Variants in MYO16 observed in about 807,000 individuals in gnomAD.
MYO16 encodes the protein myosin XVI, also known as unconventional myosin-XVI.
A neutral mutation model predicts 205.3 loss-of-function variants in MYO16; 94 were observed. The ratio of observed to expected loss-of-function variants is 0.46; its 90% CI spans 0.39 to 0.54. MYO16 has a LOEUF of 0.54. Among genes scored for constraint, MYO16 ranks in the 20% least tolerant of loss-of-function variants. The pLI is 0.00. For synonymous variants in MYO16, 988 were observed against 954.0 expected, an observed-to-expected ratio of 1.04 and a Z score of -0.66; for missense variants, 2,315 against 2,387.5, an observed-to-expected ratio of 0.97 and a Z score of 0.63.
chr13:108,826,316 T>C (rs773275354), intron 9 of MYO16, among the ~76,000 whole-genome samples: 26 of 152,258 alleles, frequency 1.7e-4, no homozygotes, highest in Admixed American at 9.2e-4. Flanking sequence ...GATGATTCTA[T>C]GGGAAAGAAT....
intron 1 of MYO16, among the ~76,000 whole-genome samples, chr13:108,609,113 C>G (rs993305787): frequency 1.3e-5 from 2 of 152,158 alleles, no homozygotes; most frequent in African/African-American, 2.4e-5. Context: ...TCTCACTGGC[C>G]GACAACTCAA....
chr13:108,632,488 A>G (rs1347596456), intron 1 of MYO16, among the ~76,000 whole-genome samples: 1 of 152,200 alleles, frequency 6.6e-6, no homozygotes, highest in Non-Finnish European at 1.5e-5. Context: ...GCTCGCAAGG[A>G]ACTGTTAGTC....
chr13:108,940,560 A>T (rs565461443), intron 16 of MYO16, among the ~76,000 whole-genome samples: 3 of 152,316 alleles, frequency 2.0e-5, no homozygotes, highest in East Asian at 3.9e-4. Flanking sequence ...GCACAATCCC[A>T]TGTCTAAGGG....
At chr13:108,527,529 G>A in the MYO16 span, among the ~76,000 whole-genome samples, 2 of 152,208 alleles carry the variant, frequency 1.3e-5, no homozygotes, top group Admixed American at 6.5e-5. Flanking sequence ...CTGAGTCAAA[G>A]AATATGAGGC....
At chr13:108,507,189 G>A in the MYO16 span, among the ~76,000 whole-genome samples, 4 of 152,084 alleles carry the variant, frequency 2.6e-5, no homozygotes, top group Non-Finnish European at 4.4e-5. Context: ...AAACCAAGGA[G>A]CATCTGTGTA....
At chr13:108,923,660 G>T (rs1881849488) in intron 16 of MYO16, among the ~76,000 whole-genome samples, 1 of 152,210 alleles carries the variant, frequency 6.6e-6, no homozygotes, top group African/African-American at 2.4e-5. Context: ...TTTGGGTCCG[G>T]AGCCCTCAGC....
intron 29 of MYO16, among the ~76,000 whole-genome samples, chr13:109,122,579 A>G (rs1469691220): frequency 6.6e-6 from 1 of 151,962 alleles, no homozygotes; most frequent in East Asian, 1.9e-4. Flanking sequence ...TCGGGAGGCT[A>G]AGGCAGGAGA....
chr13:109,028,082 C>T (rs555950901), intron 23 of MYO16, among the ~76,000 whole-genome samples: 3 of 151,990 alleles, frequency 2.0e-5, no homozygotes, highest in South Asian at 2.1e-4. Flanking sequence ...TATATACATG[C>T]GGTTACTGGT....
intron 27 of MYO16, among the ~76,000 whole-genome samples, chr13:109,060,600 A>G (rs1017441983): frequency 6.6e-5 from 10 of 152,176 alleles, no homozygotes; most frequent in Non-Finnish European, 1.2e-4. Flanking sequence ...ATGTATACCT[A>G]TGTAACAAAC....
intron 4 of MYO16, among the ~76,000 whole-genome samples, chr13:108,776,701 A>G (rs1437998858): frequency 2.6e-5 from 4 of 152,176 alleles, no homozygotes; most frequent in Non-Finnish European, 5.9e-5. Context: ...ACTATAGCCT[A>G]TTATCTAAAG....
intron 16 of MYO16, among the ~76,000 whole-genome samples, chr13:108,936,094 TTC>T (rs1882467228): frequency 9.5e-5 from 2 of 21,144 alleles, no homozygotes; most frequent in Non-Finnish European, 3.7e-4. Context: ...GTTTCCTTCC[TTC>T]CTTCCTTCCT....
At position 109,100,852 on chromosome 13, in the gene MYO16, C is replaced by T; in HGVS notation, c.3403C>T (p.Leu1135Phe). ...ACAGTCAGCTGCCGAGCGATGTCGA[C>T]TTGTTCTCCAGCAGTGTAAATTACA... The part of the protein sequence containing the change: ...KEQSAAERCR[L>F]VLQQCKLQGW... The change falls in exon 28 of 35, where the codon CTT becomes TTT. Residue 1135 changes from leucine to phenylalanine, a missense_variant. Leu to Phe is a conservative substitution (Grantham distance 22, BLOSUM62 0). Coordinates refer to ENST00000457511, the MANE Select transcript of MYO16 (RefSeq NM_001198950.3). 1 of 1,613,686 alleles carries T rather than the reference C, an allele frequency of 6.2e-7. No individual in the cohort carries two copies. The highest frequency in any genetic ancestry group is 8.5e-7 in the Non-Finnish European group (1 of 1,179,648).
intron 32 of MYO16, among the ~76,000 whole-genome samples, chr13:109,159,425 G>T (rs554468586): frequency 4.0e-5 from 6 of 148,164 alleles, no homozygotes; most frequent in African/African-American, 1.5e-4. Context: ...GGTATGGAAA[G>T]TGTAGCTCCT....
At chr13:108,524,832 A>G in the MYO16 span, among the ~76,000 whole-genome samples, 1 of 152,232 alleles carries the variant, frequency 6.6e-6, no homozygotes, top group African/African-American at 2.4e-5. Flanking sequence ...AGAGAAAAAA[A>G]CAAATGGAAT....
At chr13:109,076,100 G>T (rs982142963) in intron 27 of MYO16, among the ~76,000 whole-genome samples, 2 of 152,068 alleles carry the variant, frequency 1.3e-5, no homozygotes, top group African/African-American at 4.8e-5. Flanking sequence ...TGTCTGCAGG[G>T]TCTCCAGTGA....
the MYO16 span, among the ~76,000 whole-genome samples, chr13:108,549,815 G>T: frequency 6.6e-6 from 1 of 152,148 alleles, no homozygotes; most frequent in Non-Finnish European, 1.5e-5. Flanking sequence ...ATTAAAAAGT[G>T]ATTAAAAGTT....
At chr13:108,892,734 C>A (rs1216399080) in intron 14 of MYO16, among the ~76,000 whole-genome samples, 1 of 152,144 alleles carries the variant, frequency 6.6e-6, no homozygotes, top group Non-Finnish European at 1.5e-5. Flanking sequence ...TGAAAAGGAA[C>A]AATAGTTTCC....
intron 3 of MYO16, 25 bp from the exon 4 acceptor site, chr13:108,727,415 T>C: frequency 6.2e-7 from 1 of 1,604,998 alleles, no homozygotes; most frequent in Admixed American, 1.7e-5. Flanking sequence ...AATAATTTGA[T>C]ATTTCCTTGT....
intron 16 of MYO16, among the ~76,000 whole-genome samples, chr13:108,936,497 T>A (rs1232182425): frequency 6.6e-6 from 1 of 152,144 alleles, no homozygotes; most frequent in African/African-American, 2.4e-5. Context: ...TTAGATTTTC[T>A]AGTTTGTGCA....
Sources: allele counts gnomAD v4.1 joint callset (sites outside exome capture counted in the v4.1 genomes callset), GRCh38; gene constraint gnomAD v4.1.1; transcripts MANE v1.5; gene names NCBI Gene and HGNC (gene_info 2026-07-23, HGNC 2026-07-21).